HPSE2: variants seen among roughly 807,000 people sequenced by gnomAD.
The protein encoded by HPSE2 is heparanase 2 (inactive).
In HPSE2, 38 loss-of-function variants were observed where a neutral mutation model predicts 60.5. The observed-to-expected ratio is 0.63, with a 90% CI of 0.48 to 0.82. The LOEUF (loss-of-function observed/expected upper bound fraction) is 0.82, where lower values mean the gene tolerates loss of function less well. Among genes scored for constraint, HPSE2 ranks in the 40% least tolerant of loss-of-function variants. The pLI, the probability that HPSE2 is intolerant of heterozygous loss-of-function variation, is 0.00. For missense variants in HPSE2, 713 were observed against 740.4 expected, an observed-to-expected ratio of 0.96 and a Z score of 0.43; for synonymous variants, 295 against 293.2, an observed-to-expected ratio of 1.01 and a Z score of -0.06.
At chr10:98,963,859 G>T (rs998262232) in intron 3 of HPSE2, among the ~76,000 whole-genome samples, 1 of 152,098 alleles carries the variant, frequency 6.6e-6, no homozygotes, top group African/African-American at 2.4e-5. Context: ...GTTTAGAGAT[G>T]CCTTTGTAAG....
chr10:98,466,610 C>T (rs1299856956), intron 11 of HPSE2, among the ~76,000 whole-genome samples: 1 of 78,980 alleles, frequency 1.3e-5, no homozygotes, highest in African/African-American at 3.8e-5. Context: ...GACTCCGTCT[C>T]AAAAAAAAAA....
chr10:98,566,375 A>T (rs939200163), intron 9 of HPSE2, among the ~76,000 whole-genome samples: 1 of 152,128 alleles, frequency 6.6e-6, no homozygotes, highest in African/African-American at 2.4e-5. Flanking sequence ...TGGAAAGGCA[A>T]AGCCTACCAC....
At chr10:98,588,612 A>G (rs989086326) in intron 9 of HPSE2, among the ~76,000 whole-genome samples, 1 of 152,126 alleles carries the variant, frequency 6.6e-6, no homozygotes, top group Non-Finnish European at 1.5e-5. Flanking sequence ...CAGTACAAGG[A>G]AGTCTCAAAA....
At chr10:98,705,149 A>C (rs986148939) in intron 5 of HPSE2, among the ~76,000 whole-genome samples, 4 of 152,242 alleles carry the variant, frequency 2.6e-5, no homozygotes, top group Non-Finnish European at 5.9e-5. Flanking sequence ...CAAATATATG[A>C]AAAAAAGCTC....
At chr10:98,945,688 A>G (rs1291619724) in intron 3 of HPSE2, among the ~76,000 whole-genome samples, 1 of 152,214 alleles carries the variant, frequency 6.6e-6, no homozygotes, top group African/African-American at 2.4e-5. Context: ...GCAAAAGTGC[A>G]TTAAGTAAAT....
chr10:99,065,934 A>G (rs1232644401), intron 3 of HPSE2, among the ~76,000 whole-genome samples: 3 of 152,210 alleles, frequency 2.0e-5, no homozygotes, highest in Non-Finnish European at 2.9e-5. Context: ...TTCAGCTTTA[A>G]GGGATCATGG....
At chr10:98,564,801 G>T (rs1334627797) in intron 9 of HPSE2, among the ~76,000 whole-genome samples, 3 of 152,134 alleles carry the variant, frequency 2.0e-5, no homozygotes, top group Admixed American at 6.5e-5. Context: ...TTCCAAGGAA[G>T]AAGATTTTGC....
chr10:98,568,152 G>C (rs889016737), intron 9 of HPSE2, among the ~76,000 whole-genome samples: 1 of 152,186 alleles, frequency 6.6e-6, no homozygotes, highest in African/African-American at 2.4e-5. Flanking sequence ...ATGTCAAGAA[G>C]GATGCAGAAG....
At chr10:98,612,674 A>G (rs1945794191) in intron 9 of HPSE2, among the ~76,000 whole-genome samples, 1 of 152,238 alleles carries the variant, frequency 6.6e-6, no homozygotes, top group Non-Finnish European at 1.5e-5. Flanking sequence ...GACAGAGGGA[A>G]GTGTTCAGAG....
chr10:99,274,035 T>C, the HPSE2 span, among the ~76,000 whole-genome samples: 1 of 151,726 alleles, frequency 6.6e-6, no homozygotes, highest in Admixed American at 6.6e-5. Flanking sequence ...AAGTAAAGAA[T>C]AGCTACATGC....
chr10:99,193,356 G>A (rs1200626553), intron 2 of HPSE2, among the ~76,000 whole-genome samples: 1 of 151,862 alleles, frequency 6.6e-6, no homozygotes, highest in East Asian at 1.9e-4. Context: ...ACAGGAAGAA[G>A]GAAAGAAGGA....
intron 3 of HPSE2, among the ~76,000 whole-genome samples, chr10:99,007,986 G>C (rs1956930461): frequency 6.6e-6 from 1 of 152,176 alleles, no homozygotes; most frequent in Admixed American, 6.5e-5. Context: ...AAGAAAAAGA[G>C]AAGCACTTTG....
intron 3 of HPSE2, among the ~76,000 whole-genome samples, chr10:99,140,873 C>T (rs548332447): frequency 2.0e-5 from 3 of 152,268 alleles, no homozygotes; most frequent in East Asian, 1.9e-4. Context: ...CCCATCTCTA[C>T]TAAAAATACA....
intron 3 of HPSE2, among the ~76,000 whole-genome samples, chr10:99,134,964 G>T (rs1845586517): frequency 6.6e-6 from 1 of 152,136 alleles, no homozygotes; most frequent in Non-Finnish European, 1.5e-5. Flanking sequence ...GCTGTATTCA[G>T]GAGACCCAGC....
chr10:99,076,724 A>G lies in HPSE2; in HGVS notation c.610+67514T>C, dbSNP rs78359220. Among the ~76,000 whole-genome samples, 5 of 152,278 alleles carry G rather than the reference A, an allele frequency of 3.3e-5. No homozygotes were observed. The East Asian group carries it at 7.7e-4, about 23-fold the overall frequency. The stretch of plus-strand genomic sequence containing the variant: ...ACTTTTGTCTTTTAGCTTTTACACT[A>G]GAGTTAAAAGTGACTTACCTACCAC... On this transcript the variant is annotated intron_variant, in intron 3 of 11. Transcript: ENST00000370552.
At chr10:99,041,865 G>A (rs187691983) in intron 3 of HPSE2, among the ~76,000 whole-genome samples, 1 of 152,244 alleles carries the variant, frequency 6.6e-6, no homozygotes, top group Admixed American at 6.5e-5. Context: ...GGCTGGGAAG[G>A]GAGCTAAGAG....
At chr10:99,225,512 C>T (rs1289905390) in intron 2 of HPSE2, among the ~76,000 whole-genome samples, 1 of 152,008 alleles carries the variant, frequency 6.6e-6, no homozygotes, top group African/African-American at 2.4e-5. Context: ...ATTTTAAGAC[C>T]TTTTACTTTA....
chr10:98,898,344 G>A (rs76840905), intron 3 of HPSE2, among the ~76,000 whole-genome samples: 5,816 of 152,122 alleles, frequency 0.038, 364 homozygotes, highest in African/African-American at 0.13. Context: ...CCTTCAATAG[G>A]TGAATGTATA....
At chr10:98,816,829 C>A (rs972158986) in intron 3 of HPSE2, among the ~76,000 whole-genome samples, 2 of 152,176 alleles carry the variant, frequency 1.3e-5, no homozygotes, top group Admixed American at 6.5e-5. Flanking sequence ...TCTCTGTTTA[C>A]CAAGTAAATG....
Sources: gnomAD v4.1 joint callset for allele counts (sites outside exome capture counted in the v4.1 genomes callset) on GRCh38, gnomAD v4.1.1 for gene constraint, MANE v1.5 for transcripts, NCBI Gene and HGNC (gene_info 2026-07-23, HGNC 2026-07-21) for gene names.